Variants in IMPG1 observed in about 807,000 individuals in gnomAD.
The protein encoded by IMPG1 is interphotoreceptor matrix proteoglycan of 150 kDa.
In IMPG1, 85 loss-of-function variants were observed where a neutral mutation model predicts 92.0. That is an observed-to-expected ratio of 0.92 (90% CI 0.78 to 1.11). The LOEUF (loss-of-function observed/expected upper bound fraction) is 1.11. IMPG1 is among the 50% of genes least tolerant of loss of function. IMPG1 has a pLI of 0.00. For missense variants in IMPG1, 1,022 were observed against 956.0 expected (o/e 1.07, Z -0.91); for synonymous variants, 367 against 334.1 (o/e 1.10, Z -1.08).
chr6:76,024,875 A>G lies in IMPG1; in HGVS notation c.562+319T>C, dbSNP rs893877338. On this transcript the variant is annotated intron_variant, in intron 5 of 16. Transcript: ENST00000369950. Reference sequence around the variant, plus strand: ...CATCAGGTTAAGTGGAAAAAATGATACAAACTCTAAGTAAATATGGTCTCA... The same window carrying G: ...CATCAGGTTAAGTGGAAAAAATGATGCAAACTCTAAGTAAATATGGTCTCA... 2.4e-5 allele frequency: 10 copies of G among 420,694 alleles called. No individual in the cohort carries two copies. In the Admixed American group the frequency reaches 3.1e-4, roughly 13 times the overall value. The allele number at this position is 420,694 out of a possible 1,614,324, so 26.1% of individuals were successfully genotyped here. A position where few individuals can be genotyped will look rare whatever the true frequency, so the allele number is the denominator to read the frequency against.
chr6:75,991,876 G>A (rs1458162562), intron 12 of IMPG1, among the ~76,000 whole-genome samples: 1 of 152,138 alleles, frequency 6.6e-6, no homozygotes, highest in Non-Finnish European at 1.5e-5. Context: ...TAACGTATAA[G>A]GCACCTTGTT....
At chr6:76,046,014 A>G (rs1162476906) in intron 1 of IMPG1, among the ~76,000 whole-genome samples, 4 of 152,168 alleles carry the variant, frequency 2.6e-5, no homozygotes, top group African/African-American at 4.8e-5. Context: ...AACCTACTTG[A>G]TGATGAATTG....
chr6:76,051,060 A>G (rs1324275087), intron 1 of IMPG1, among the ~76,000 whole-genome samples: 1 of 152,184 alleles, frequency 6.6e-6, no homozygotes. Context: ...ACAGAACTCT[A>G]TAGAGAGTAA....
At chr6:76,017,640 AC>A (rs1429567536) in intron 7 of IMPG1, among the ~76,000 whole-genome samples, 1 of 152,226 alleles carries the variant, frequency 6.6e-6, no homozygotes, top group Non-Finnish European at 1.5e-5. Context: ...ATAAGTATAT[AC>A]CAGTGAAACC....
chr6:76,050,161 C>G (rs1048702169), intron 1 of IMPG1, among the ~76,000 whole-genome samples: 1 of 152,068 alleles, frequency 6.6e-6, no homozygotes, highest in Admixed American at 6.6e-5. Flanking sequence ...AGGTTTGGGC[C>G]GGGCACAGTG....
At chr6:76,042,782 C>G (rs1783868347) in intron 1 of IMPG1, among the ~76,000 whole-genome samples, 1 of 152,180 alleles carries the variant, frequency 6.6e-6, no homozygotes, top group African/African-American at 2.4e-5. Context: ...GAGAATGTAA[C>G]TCTCTTCTAA....
At chr6:75,977,260 A>C (rs971256622) in intron 12 of IMPG1, among the ~76,000 whole-genome samples, 1 of 152,144 alleles carries the variant, frequency 6.6e-6, no homozygotes, top group Non-Finnish European at 1.5e-5. Flanking sequence ...AGTCTTTCTA[A>C]TTGCTAGGAA....
At chr6:75,979,365 G>A (rs1178398099) in intron 12 of IMPG1, among the ~76,000 whole-genome samples, 2 of 152,174 alleles carry the variant, frequency 1.3e-5, no homozygotes, top group African/African-American at 2.4e-5. Context: ...ATGGAAAAGG[G>A]GTGTGGAGAG....
chr6:76,046,356 C>T (rs571612634), intron 1 of IMPG1, among the ~76,000 whole-genome samples: 17 of 151,896 alleles, frequency 1.1e-4, no homozygotes, highest in Non-Finnish European at 2.1e-4. Context: ...ACTAGGAAAA[C>T]AACCTTTAAG....
chr6:76,026,997 C>A (rs1783552882), intron 4 of IMPG1, among the ~76,000 whole-genome samples: 1 of 152,154 alleles, frequency 6.6e-6, no homozygotes, highest in South Asian at 2.1e-4. Flanking sequence ...TCTTCTGCCT[C>A]TCTGTGTGTG....
intron 1 of IMPG1, among the ~76,000 whole-genome samples, chr6:76,063,564 T>C (rs1295611910): frequency 6.6e-6 from 1 of 152,200 alleles, no homozygotes; most frequent in Non-Finnish European, 1.5e-5. Context: ...CTTGAGGGCA[T>C]TGCACTAGTA....
intron 3 of IMPG1, 67 bp downstream of exon 3, chr6:76,034,554 C>G: frequency 6.5e-7 from 1 of 1,534,430 alleles, no homozygotes; most frequent in East Asian, 2.3e-5. Context: ...ATTCAAAAGG[C>G]CTAGGGGCTG....
chr6:75,947,177 T>A (rs1273492806), intron 14 of IMPG1, 137 bp downstream of exon 14: 1 of 657,486 alleles, frequency 1.5e-6, no homozygotes, highest in Non-Finnish European at 2.6e-6. Flanking sequence ...CTCCATAGCT[T>A]CCAAAAGGTT....
At chr6:76,028,777 C>A (rs1037885180) in intron 4 of IMPG1, among the ~76,000 whole-genome samples, 1 of 152,134 alleles carries the variant, frequency 6.6e-6, no homozygotes, top group African/African-American at 2.4e-5. Flanking sequence ...CAAGATCGTG[C>A]CACTGCACTC....
At chr6:75,928,320 C>G (rs1441683190) in intron 15 of IMPG1, among the ~76,000 whole-genome samples, 3 of 152,146 alleles carry the variant, frequency 2.0e-5, no homozygotes, top group African/African-American at 7.2e-5. Flanking sequence ...CTGCCTCAGC[C>G]TCCAGAGTAG....
chr6:75,970,133 A>G (rs1782380649), intron 12 of IMPG1, among the ~76,000 whole-genome samples: 2 of 152,196 alleles, frequency 1.3e-5, no homozygotes, highest in Non-Finnish European at 2.9e-5. Flanking sequence ...GATATTTTAA[A>G]AAAATTCTCC....
At chr6:75,999,996 C>G (rs1782961654) in intron 12 of IMPG1, among the ~76,000 whole-genome samples, 1 of 152,216 alleles carries the variant, frequency 6.6e-6, no homozygotes, top group African/African-American at 2.4e-5. Flanking sequence ...ACTGGTTTTA[C>G]ACAGCAGGAA....
intron 12 of IMPG1, among the ~76,000 whole-genome samples, chr6:75,983,059 T>C (rs907099515): frequency 7.2e-5 from 11 of 151,980 alleles, no homozygotes; most frequent in African/African-American, 2.4e-4. Context: ...GCAGCTAAAA[T>C]GGATAACTAC....
At chr6:76,031,027 C>T (rs1233163521) in intron 4 of IMPG1, among the ~76,000 whole-genome samples, 1 of 152,120 alleles carries the variant, frequency 6.6e-6, no homozygotes, top group Non-Finnish European at 1.5e-5. Context: ...CCTGCTTCCC[C>T]CTTTTCTTCC....
Sources: allele counts gnomAD v4.1 joint callset (sites outside exome capture counted in the v4.1 genomes callset), GRCh38; gene constraint gnomAD v4.1.1; transcripts MANE v1.5; gene names NCBI Gene and HGNC (gene_info 2026-07-23, HGNC 2026-07-21).